Variants in ANKRD17 observed in about 807,000 individuals in gnomAD.
ANKRD17 encodes the protein ankyrin repeat domain-containing protein 17.
ANKRD17 carries 19 observed loss-of-function variants against 229.7 expected under a neutral mutation model. The ratio of observed to expected loss-of-function variants is 0.08; its 90% CI spans 0.06 to 0.12. The LOEUF (loss-of-function observed/expected upper bound fraction) is 0.12, where lower values mean the gene tolerates loss of function less well. Among genes scored for constraint, ANKRD17 ranks in the 10% least tolerant of loss-of-function variants. The pLI is 1.00. For missense variants in ANKRD17, 2,176 were observed against 3,176.8 expected (o/e 0.68, Z 7.57); for synonymous variants, 1,112 against 1,146.1 (o/e 0.97, Z 0.60).
intron 1 of ANKRD17, among the ~76,000 whole-genome samples, chr4:73,232,879 C>A (rs559055442): frequency 6.6e-6 from 1 of 152,010 alleles, no homozygotes; most frequent in South Asian, 2.1e-4. Flanking sequence ...GCAGCTACCA[C>A]GCCCAGCTAA....
At chr4:73,161,392 G>C in intron 2 of ANKRD17, 44 bp from the exon 3 acceptor site, 3 of 1,593,510 alleles carry the variant, frequency 1.9e-6, no homozygotes, top group African/African-American at 2.7e-5. Flanking sequence ...CCCAAAAGGA[G>C]AAACAAAGCA....
intron 24 of ANKRD17, chr4:73,113,398 T>C: frequency 1.6e-6 from 2 of 1,289,916 alleles, no homozygotes; most frequent in South Asian, 2.5e-5. Context: ...TAGTTGGTTA[T>C]GCCTTGGTAG....
chr4:73,245,115 T>C (rs1202782252), intron 1 of ANKRD17, among the ~76,000 whole-genome samples: 1 of 152,150 alleles, frequency 6.6e-6, no homozygotes, highest in Non-Finnish European at 1.5e-5. Context: ...AGGCAGCTGC[T>C]TCTGTGCTCT....
chr4:73,229,276 G>A (rs1488314811), intron 1 of ANKRD17, among the ~76,000 whole-genome samples: 2 of 152,098 alleles, frequency 1.3e-5, no homozygotes, highest in African/African-American at 4.8e-5. Flanking sequence ...AGAACTTAAA[G>A]TATAATAAAA....
chr4:73,092,012 A>G lies in ANKRD17; in HGVS notation c.5616T>C (p.Asn1872=), dbSNP rs745680651. The change falls in exon 29 of 34, where the codon AAT becomes AAC. Residue 1872 remains asparagine (N), a synonymous_variant. Transcript: ENST00000358602. The part of the protein sequence containing the change: ...THKTIKNPVN[N]VRPGFPVSLP... ...GAGAAACTGGAAAACCAGGCCTCACATTATTCACTGGGTTCTTAATGGTTT... is the reference window on the plus strand; with the variant it reads ...GAGAAACTGGAAAACCAGGCCTCACGTTATTCACTGGGTTCTTAATGGTTT... 4.0e-5 allele frequency: 65 copies of G among 1,614,112 alleles called. No individual in the cohort carries two copies. The highest frequency in any genetic ancestry group is 5.2e-5 in the Non-Finnish European group (61 of 1,180,036).
intron 1 of ANKRD17, among the ~76,000 whole-genome samples, chr4:73,221,956 T>C (rs1333575628): frequency 6.6e-6 from 1 of 152,148 alleles, no homozygotes; most frequent in African/African-American, 2.4e-5. Context: ...CATAGGCTTT[T>C]TTCTCCTGCT....
At chr4:73,078,173 T>A (rs1721189934) in intron 31 of ANKRD17, among the ~76,000 whole-genome samples, 1 of 152,032 alleles carries the variant, frequency 6.6e-6, no homozygotes. Flanking sequence ...GGTCAGGAGA[T>A]CGTGACCATC....
At chr4:73,192,205 C>A (rs1427720992) in intron 1 of ANKRD17, among the ~76,000 whole-genome samples, 1 of 151,964 alleles carries the variant, frequency 6.6e-6, no homozygotes, top group African/African-American at 2.4e-5. Context: ...GACAAAGAAC[C>A]TATTTTGTTC....
At chr4:73,247,184 T>C (rs1578516680) in intron 1 of ANKRD17, among the ~76,000 whole-genome samples, 1 of 152,076 alleles carries the variant, frequency 6.6e-6, no homozygotes, top group African/African-American at 2.4e-5. Flanking sequence ...AAAAAACTTA[T>C]ACTCAATGTT....
At chr4:73,094,408 CAGAT>C (rs1305445468) in intron 27 of ANKRD17, among the ~76,000 whole-genome samples, 180 bp from the exon 28 acceptor site, 4 of 152,282 alleles carry the variant, frequency 2.6e-5, no homozygotes, top group African/African-American at 9.6e-5. Context: ...GAGCAACAGA[CAGAT>C]AAGCTTTATT....
At chr4:73,118,630 T>C (rs1001489069) in intron 22 of ANKRD17, 58 bp downstream of exon 22, 21 of 1,591,744 alleles carry the variant, frequency 1.3e-5, no homozygotes, top group East Asian at 2.2e-5. Context: ...CACTAAGCCA[T>C]GTACTTCCTA....
chr4:73,258,796 A>C lies in ANKRD17; in HGVS notation c.-128T>G, dbSNP rs1224366258. On this transcript the variant is annotated 5_prime_UTR_variant, in exon 1 of 34. Transcript: ENST00000358602. ...CGCCGCCACCGCCTCGGTCACCTCT[A>C]CTGCCGCCGCCGCCGCCGCCGCTCC... 4.6e-6 allele frequency: 5 copies of C among 1,078,884 alleles called. No individual in the cohort carries two copies. Among genetic ancestry groups the C allele is most frequent in the Non-Finnish European group, 5.6e-6 (5 of 897,030 alleles). 66.8% of individuals were successfully genotyped at this position (1,078,884 alleles called of 1,614,324 possible).
intron 11 of ANKRD17, 100 bp from the exon 12 acceptor site, chr4:73,142,867 G>A: frequency 2.3e-6 from 3 of 1,327,312 alleles, no homozygotes; most frequent in Non-Finnish European, 2.0e-6. Flanking sequence ...ATAGTATTAT[G>A]AGGCTCCACA....
intron 19 of ANKRD17, 142 bp downstream of exon 19, chr4:73,121,475 C>G: frequency 1.1e-6 from 1 of 950,792 alleles, no homozygotes; most frequent in Non-Finnish European, 1.6e-6. Flanking sequence ...AAATAAAGTT[C>G]ATCTCAAAAA....
In ANKRD17 at chr4:73,098,449, T is replaced by C; in HGVS notation, c.4645A>G (p.Thr1549Ala). 1 of 1,614,216 alleles carries C rather than the reference T, an allele frequency of 6.2e-7. No individual in the cohort carries two copies. The highest frequency in any genetic ancestry group is 8.5e-7 in the Non-Finnish European group (1 of 1,180,036). The change falls in exon 26 of 34, where the codon ACA (threonine) becomes GCA (alanine). Residue 1549 changes from threonine (T) to alanine (A), a missense_variant. Physicochemically the swap from Thr to Ala is moderately conservative, Grantham distance 58. Transcript: ENST00000358602. ...TTTIGISATW[T>A]TLAGSHGKRN... is the part of the protein sequence containing the mutation. Reference sequence around the variant, plus strand: ...TTACCATGAGAACCTGCCAAAGTTGTCCAGGTTGCAGATATACCTATGGTA... The same window carrying C: ...TTACCATGAGAACCTGCCAAAGTTGCCCAGGTTGCAGATATACCTATGGTA...
Position 73,074,484 on chromosome 4 carries a change from A to G in ANKRD17, c.*1747T>C, listed in dbSNP as rs1302643608. 2.0e-5 allele frequency: 3 copies of G among 151,846 alleles called. No individual in the cohort carries two copies. The highest frequency in any genetic ancestry group is 1.3e-4 in the Admixed American group (2 of 15,250). 9.4% of individuals were successfully genotyped at this position (151,846 alleles called of 1,614,324 possible). On this transcript the variant is annotated 3_prime_UTR_variant, in exon 34 of 34. Transcript: ENST00000358602. ...GGCTGTCTTTTAGCTCTCCCTTTAA[A>G]TTTGGGCATATTAAACATAGGTGGA...
chr4:73,241,749 T>C (rs1460640258), intron 1 of ANKRD17, among the ~76,000 whole-genome samples: 2 of 152,104 alleles, frequency 1.3e-5, no homozygotes, highest in African/African-American at 4.8e-5. Flanking sequence ...TTTGAAAAAC[T>C]AACATGAATA....
At chr4:73,103,062 T>C (rs951009094) in intron 24 of ANKRD17, among the ~76,000 whole-genome samples, 3 of 152,066 alleles carry the variant, frequency 2.0e-5, no homozygotes, top group Non-Finnish European at 4.4e-5. Flanking sequence ...TCTTTGCAAA[T>C]TGATTATAAT....
intron 11 of ANKRD17, 95 bp from the exon 12 acceptor site, chr4:73,142,862 A>T: frequency 7.3e-7 from 1 of 1,363,580 alleles, no homozygotes; most frequent in South Asian, 1.5e-5. Context: ...AGAAAATAGT[A>T]TTATGAGGCT....
Sources: gnomAD v4.1 joint callset for allele counts (sites outside exome capture counted in the v4.1 genomes callset) on GRCh38, gnomAD v4.1.1 for gene constraint, MANE v1.5 for transcripts, NCBI Gene and HGNC (gene_info 2026-07-23, HGNC 2026-07-21) for gene names.